Variants in MTERF4 observed in about 807,000 individuals in gnomAD.
The protein encoded by MTERF4 is mitochondrial transcription termination factor 4, also known as transcription termination factor 4, mitochondrial.
Under a neutral mutation model 22.5 loss-of-function variants are expected in MTERF4, and 17 were observed. The ratio of observed to expected loss-of-function variants is 0.75; its 90% CI spans 0.52 to 1.13. The LOEUF (loss-of-function observed/expected upper bound fraction) is 1.13, where lower values mean the gene tolerates loss of function less well. MTERF4 is among the 50% of genes most tolerant of loss of function. The pLI, the probability that MTERF4 is intolerant of heterozygous loss-of-function variation, is 0.00. For synonymous variants in MTERF4, 165 were observed against 175.3 expected, an observed-to-expected ratio of 0.94 and a Z score of 0.47; for missense variants, 420 against 466.8, an observed-to-expected ratio of 0.90 and a Z score of 0.92.
downstream of MTERF4, chr2:241,088,414 C>G: frequency 6.2e-7 from 1 of 1,607,032 alleles, no homozygotes; most frequent in Non-Finnish European, 8.5e-7. Flanking sequence ...TACGTCCCTG[C>G]TGCTCCCGCC....
downstream of MTERF4, chr2:241,071,900 C>A (rs748644921): frequency 3.8e-6 from 6 of 1,576,760 alleles, no homozygotes; most frequent in Non-Finnish European, 5.2e-6. Context: ...GGCCTCCCCA[C>A]CCACCTTGGT....
At chr2:241,043,065 T>G in the MTERF4 span, among the ~76,000 whole-genome samples, 1 of 151,814 alleles carries the variant, frequency 6.6e-6, no homozygotes, top group African/African-American at 2.4e-5. Context: ...ATCCACGTAT[T>G]TGGAGTCTGC....
intron 1 of MTERF4, 75 bp from the exon 2 acceptor site, chr2:241,099,969 C>T (rs939432100): frequency 1.3e-6 from 2 of 1,515,008 alleles, no homozygotes; most frequent in African/African-American, 1.4e-5. Flanking sequence ...ACTTCTGAGC[C>T]AGAGTACTTA....
the MTERF4 span, among the ~76,000 whole-genome samples, chr2:241,061,614 C>T: frequency 1.4e-4 from 21 of 152,070 alleles, no homozygotes; most frequent in African/African-American, 5.1e-4. Context: ...CTAGGCTGGG[C>T]GTAGACTCAT....
chr2:241,064,175 G>T, the MTERF4 span: 22 of 1,262,022 alleles, frequency 1.7e-5, no homozygotes, highest in South Asian at 2.6e-4. The surrounding 1 kb of genome is among the most constrained non-coding windows in gnomAD (Gnocchi z 7.0). Flanking sequence ...CCTGCTCCCC[G>T]CCCTCTGCCC....
the MTERF4 span, among the ~76,000 whole-genome samples, chr2:241,061,735 AT>A: frequency 6.6e-6 from 1 of 151,932 alleles, no homozygotes; most frequent in African/African-American, 2.4e-5. Context: ...AAATACAAAA[AT>A]TAGTCGGGCA....
downstream of MTERF4, chr2:241,088,792 G>T: frequency 4.0e-6 from 1 of 252,070 alleles, no homozygotes. Flanking sequence ...CACGGGCAGC[G>T]GGAGGGCCTG....
downstream of MTERF4, chr2:241,095,069 C>CA (rs536155955): frequency 7.0e-6 from 1 of 143,590 alleles, no homozygotes; most frequent in South Asian, 2.5e-4. Context: ...CGCCCCCCCC[C>CA]CCCCCCACAC....
downstream of MTERF4, chr2:241,090,151 G>C: frequency 6.8e-7 from 1 of 1,463,836 alleles, no homozygotes; most frequent in Non-Finnish European, 9.1e-7. Flanking sequence ...CAAACACACT[G>C]TACGGATGTT....
In MTERF4 at chr2:241,096,093, T is replaced by TGTCCTCCTCATCATC; in HGVS notation, c.1036_1050dup (p.Asp346_Asp350dup). The TGTCCTCCTCATCATC allele has an allele frequency of 6.2e-7, 1 of 1,612,348 alleles. No homozygotes were observed. Among genetic ancestry groups the TGTCCTCCTCATCATC allele is most frequent in the Non-Finnish European group, 8.5e-7 (1 of 1,179,284 alleles). ...TCCTCATCATTGTCATCCTCATCAT[T>TGTCCTCCTCATCATC]GTCCTCCTCATCATCGTCATCCTCA... is the stretch of plus-strand genomic sequence containing the variant. On this transcript the variant is annotated inframe_insertion, in exon 4 of 4. Transcript: ENST00000391980. The surrounding 1 kb of genome is among the most constrained non-coding windows in gnomAD (Gnocchi z 5.1).
downstream of MTERF4, among the ~76,000 whole-genome samples, chr2:241,070,541 A>T (rs1324946855): frequency 6.6e-6 from 1 of 152,192 alleles, no homozygotes; most frequent in Non-Finnish European, 1.5e-5. Flanking sequence ...AGTGGCCTGC[A>T]TTGCAGCCCA....
At chr2:241,063,994 T>A in the MTERF4 span, 13 of 1,511,898 alleles carry the variant, frequency 8.6e-6, no homozygotes, top group Admixed American at 2.0e-5. Flanking sequence ...TTGGGCCCAC[T>A]CTCTGGGTGT....
At chr2:241,089,413 CAG>C (rs1175813947), downstream of MTERF4, 2 of 1,550,220 alleles carry the variant, frequency 1.3e-6, no homozygotes, top group South Asian at 1.2e-5. Context: ...TAAAAACAAA[CAG>C]AAGCAAAACA....
Position 241,096,867 on chromosome 2 carries a change from T to C in MTERF4, c.705+376A>G. ...CAAAATCAACATGCAAAATAGATTC[T>C]AAGGACAGGAAGGTTTCAGCTATTT... On this transcript the variant is annotated intron_variant, in intron 3 of 3. Coordinates refer to ENST00000391980, the MANE Select transcript of MTERF4 (RefSeq NM_182501.4). This position sits in a 1 kb window ranked among gnomAD's most constrained non-coding sequence, Gnocchi z 5.1. The C allele has an allele frequency of 1.7e-6, 1 of 574,058 alleles. No homozygotes were observed. Among genetic ancestry groups the C allele is most frequent in the South Asian group, 2.1e-5 (1 of 48,002 alleles). The allele number at this position is 574,058 out of a possible 1,614,324, so 35.6% of individuals were successfully genotyped here. A position where few individuals can be genotyped will look rare whatever the true frequency, so the allele number is the denominator to read the frequency against.
the MTERF4 span, among the ~76,000 whole-genome samples, chr2:241,055,038 G>A: frequency 3.3e-5 from 5 of 152,056 alleles, no homozygotes; most frequent in African/African-American, 1.2e-4. Flanking sequence ...AATCGCTTGA[G>A]CCTGGGAGGC....
At chr2:241,070,113 A>C, downstream of MTERF4, 1 of 1,612,762 alleles carries the variant, frequency 6.2e-7, no homozygotes, top group Non-Finnish European at 8.5e-7. Context: ...TGCTGCCGGG[A>C]CGGCGGTACC....
the MTERF4 span, among the ~76,000 whole-genome samples, chr2:241,045,874 C>G: frequency 1.3e-5 from 2 of 152,150 alleles, no homozygotes; most frequent in South Asian, 2.1e-4. Context: ...AGACAAGCTA[C>G]AGACCAGGAG....
intron 2 of MTERF4, among the ~76,000 whole-genome samples, chr2:241,098,927 G>A (rs2064576607): frequency 6.6e-6 from 1 of 151,966 alleles, no homozygotes; most frequent in African/African-American, 2.4e-5. Flanking sequence ...CTCTCAAAAT[G>A]TATTCTGCAC....
chr2:241,044,355 G>T, the MTERF4 span, among the ~76,000 whole-genome samples: 48 of 152,306 alleles, frequency 3.2e-4, no homozygotes, highest in Non-Finnish European at 6.0e-4. Flanking sequence ...AATAGAATGG[G>T]TTTCTGGTTC....
Sources: allele counts gnomAD v4.1 joint callset (sites outside exome capture counted in the v4.1 genomes callset), GRCh38; gene constraint gnomAD v4.1.1; non-coding constraint Gnocchi (gnomAD v3.1); transcripts MANE v1.5; gene names NCBI Gene and HGNC (gene_info 2026-07-23, HGNC 2026-07-21).